SCN7A: variants seen among roughly 807,000 people sequenced by gnomAD.
SCN7A encodes sodium channel protein type 7 subunit alpha.
Under a neutral mutation model 155.2 loss-of-function variants are expected in SCN7A, and 138 were observed. The observed-to-expected ratio is 0.89, with a 90% CI of 0.77 to 1.02. SCN7A has a LOEUF of 1.02. Among genes scored for constraint, SCN7A ranks in the 50% least tolerant of loss-of-function variants. The pLI, the probability that SCN7A is intolerant of heterozygous loss-of-function variation, is 0.00. For synonymous variants in SCN7A, 693 were observed against 649.0 expected (o/e 1.07, Z -1.03); for missense variants, 2,058 against 1,986.6 (o/e 1.04, Z -0.68).
chr2:166,408,039 C>CTA (rs1701114133), intron 25 of SCN7A, among the ~76,000 whole-genome samples: 2 of 151,986 alleles, frequency 1.3e-5, no homozygotes, highest in Non-Finnish European at 2.9e-5. Flanking sequence ...CTTGAAGACT[C>CTA]TATTTCCCTT....
At chr2:166,453,551 T>A (rs990525429) in intron 11 of SCN7A, among the ~76,000 whole-genome samples, 2 of 152,206 alleles carry the variant, frequency 1.3e-5, no homozygotes, top group African/African-American at 4.8e-5. Flanking sequence ...TTTATTTCAT[T>A]TGGACCTCAC....
At chr2:166,422,788 T>G (rs929772848) in intron 19 of SCN7A, among the ~76,000 whole-genome samples, 1 of 152,138 alleles carries the variant, frequency 6.6e-6, no homozygotes, top group African/African-American at 2.4e-5. Flanking sequence ...GTTACTCTGG[T>G]TGCTATGTGG....
Position 166,422,566 on chromosome 2 carries a change from T to G in SCN7A, c.3027+693A>C, listed in dbSNP as rs554280202. On this transcript the variant is annotated intron_variant, in intron 19 of 25. Coordinates refer to ENST00000643258, the MANE Select transcript of SCN7A (RefSeq NM_002976.4). Reference sequence around the variant, plus strand: ...ACAGGCACTAAGATGAAAATAATCTTGGCATATTTGAAGTGCTCCATGAAG... The same window carrying G: ...ACAGGCACTAAGATGAAAATAATCTGGGCATATTTGAAGTGCTCCATGAAG... Among the ~76,000 whole-genome samples the G allele has an allele frequency of 2.0e-5, 3 of 152,260 alleles. No homozygotes were observed. The East Asian group carries it at 5.8e-4, about 29-fold the overall frequency.
chr2:166,440,942 G>A (rs144874774), intron 15 of SCN7A: 1 of 177,552 alleles, frequency 5.6e-6, no homozygotes, highest in African/African-American at 2.3e-5. Context: ...TTCATGCCCA[G>A]AGCAGGACAG....
chr2:166,419,004 G>A (rs1015981869), intron 20 of SCN7A, among the ~76,000 whole-genome samples: 1 of 152,116 alleles, frequency 6.6e-6, no homozygotes, highest in Non-Finnish European at 1.5e-5. Flanking sequence ...CACAGCCATT[G>A]TTTCATTGCC....
intron 15 of SCN7A, among the ~76,000 whole-genome samples, chr2:166,437,639 C>T (rs537852357): frequency 1.5e-4 from 23 of 152,270 alleles, no homozygotes; most frequent in Middle Eastern, 3.4e-3. Flanking sequence ...CAGCTGGGAT[C>T]GGGGCTGTAC....
chr2:166,460,592 C>T (rs1177301634), intron 10 of SCN7A, among the ~76,000 whole-genome samples: 1 of 151,926 alleles, frequency 6.6e-6, no homozygotes. Context: ...CTACACTGGG[C>T]TTGGGGAAAA....
chr2:166,488,749 T>A (rs903241991), intron 1 of SCN7A, among the ~76,000 whole-genome samples: 7 of 151,934 alleles, frequency 4.6e-5, no homozygotes, highest in African/African-American at 1.7e-4. Context: ...GGGATTCTCC[T>A]GCTTCAGCCT....
intron 3 of SCN7A, among the ~76,000 whole-genome samples, chr2:166,476,196 A>G (rs1291385510): frequency 6.6e-6 from 1 of 151,956 alleles, no homozygotes; most frequent in African/African-American, 2.4e-5. Flanking sequence ...TACTGCAGTC[A>G]TTTAAGTTAA....
chr2:166,491,221 G>A (rs548894114), intron 1 of SCN7A, among the ~76,000 whole-genome samples: 1 of 152,178 alleles, frequency 6.6e-6, no homozygotes, highest in African/African-American at 2.4e-5. Context: ...CATAATATCA[G>A]ACCTTTCTAA....
intron 1 of SCN7A, among the ~76,000 whole-genome samples, chr2:166,492,135 T>C (rs1327924223): frequency 6.6e-6 from 1 of 152,150 alleles, no homozygotes; most frequent in East Asian, 1.9e-4. Flanking sequence ...GGAGACAGAA[T>C]GCCCAGTTTT....
chr2:166,405,720 T>C lies in SCN7A; in HGVS notation c.4909A>G (p.Lys1637Glu). Residue 1637 changes from lysine to glutamate, a missense_variant, in exon 26 of 26, where the codon AAA becomes GAA. Physicochemically the swap from Lys to Glu is moderately conservative, Grantham distance 56. Coordinates refer to ENST00000643258, the MANE Select transcript of SCN7A (RefSeq NM_002976.4). The part of the protein sequence containing the change: ...VSATIIQRAY[K>E]NYRLRRNDKN... ...TCATTTCGCCTCAAGCGGTAATTTTTATAAGCACGTTGAATGATGGTTGCT... is the reference window on the plus strand; with the variant it reads ...TCATTTCGCCTCAAGCGGTAATTTTCATAAGCACGTTGAATGATGGTTGCT... 6.2e-7 allele frequency: 1 copy of C among 1,613,076 alleles called. No individual in the cohort carries two copies. Among genetic ancestry groups the C allele is most frequent in the Non-Finnish European group, 8.5e-7 (1 of 1,179,326 alleles).
intron 2 of SCN7A, among the ~76,000 whole-genome samples, chr2:166,479,823 C>G (rs1225581031): frequency 6.6e-6 from 1 of 151,796 alleles, no homozygotes; most frequent in Non-Finnish European, 1.5e-5. Context: ...TTCTTATGCC[C>G]AAGTCCCTCA....
chr2:166,425,133 C>G (rs886141119), intron 18 of SCN7A, among the ~76,000 whole-genome samples: 1 of 152,060 alleles, frequency 6.6e-6, no homozygotes, highest in Admixed American at 6.6e-5. Context: ...TCCAGAGCCT[C>G]CCCACAAGAT....
intron 7 of SCN7A, 111 bp from the exon 8 acceptor site, chr2:166,466,098 T>G (rs1702529429): frequency 1.4e-6 from 1 of 705,242 alleles, no homozygotes; most frequent in East Asian, 2.7e-5. Flanking sequence ...AGTTTTATCT[T>G]ATAATGTAAT....
chr2:166,457,866 G>T (rs1177454834), intron 10 of SCN7A, among the ~76,000 whole-genome samples: 1 of 151,806 alleles, frequency 6.6e-6, no homozygotes, highest in Admixed American at 6.6e-5. Flanking sequence ...CAAAATTTAA[G>T]GAAACAAATG....
intron 18 of SCN7A, among the ~76,000 whole-genome samples, chr2:166,426,438 A>G (rs557762664): frequency 3.3e-5 from 5 of 152,048 alleles, no homozygotes; most frequent in African/African-American, 9.6e-5. Flanking sequence ...GGGCATTAGG[A>G]GACATAGTAT....
At chr2:166,444,653 C>T (rs1391623107) in intron 13 of SCN7A, 109 bp downstream of exon 13, 2 of 659,208 alleles carry the variant, frequency 3.0e-6, no homozygotes, top group Non-Finnish European at 5.3e-6. Flanking sequence ...ATGCATATTG[C>T]AACATATTGG....
chr2:166,441,925 C>T (rs1206110218), intron 14 of SCN7A, among the ~76,000 whole-genome samples, 173 bp from the exon 15 acceptor site: 1 of 152,048 alleles, frequency 6.6e-6, no homozygotes, highest in Non-Finnish European at 1.5e-5. Context: ...CTTAAATATC[C>T]TATAATTTTG....
Sources: gnomAD v4.1 joint callset for allele counts (sites outside exome capture counted in the v4.1 genomes callset) on GRCh38, gnomAD v4.1.1 for gene constraint, MANE v1.5 for transcripts, NCBI Gene and HGNC (gene_info 2026-07-23, HGNC 2026-07-21) for gene names.